Variants in ZC3H3 observed in about 807,000 individuals in gnomAD.
ZC3H3 encodes zinc finger CCCH domain-containing protein 3.
Under a neutral mutation model 77.3 loss-of-function variants are expected in ZC3H3, and 36 were observed. The observed-to-expected ratio is 0.47, with a 90% CI of 0.36 to 0.61. ZC3H3 has a LOEUF of 0.61. Ranked by LOEUF, ZC3H3 falls within the 20% of genes least tolerant of loss-of-function variation. The pLI is 0.00. For synonymous variants in ZC3H3, 626 were observed against 555.2 expected (o/e 1.13, Z -1.79); for missense variants, 1,331 against 1,312.2 (o/e 1.01, Z -0.22).
chr8:143,519,682 G>A (rs1004460834), intron 3 of ZC3H3, among the ~76,000 whole-genome samples: 18 of 152,150 alleles, frequency 1.2e-4, no homozygotes, highest in African/African-American at 3.6e-4. Context: ...ACAGCAGCAC[G>A]GGGCAAGCGG....
intron 2 of ZC3H3, among the ~76,000 whole-genome samples, chr8:143,537,255 T>C (rs1822831071): frequency 6.6e-6 from 1 of 152,194 alleles, no homozygotes; most frequent in Non-Finnish European, 1.5e-5. Context: ...AGTGAGTGAC[T>C]CTGCCTGGCT....
intron 9 of ZC3H3, among the ~76,000 whole-genome samples, chr8:143,454,402 ATTT>A (rs1159428177): frequency 1.6e-5 from 2 of 125,104 alleles, no homozygotes; most frequent in Non-Finnish European, 1.7e-5. Flanking sequence ...ACAATTCATA[ATTT>A]TTTTTTTTTT....
intron 9 of ZC3H3, among the ~76,000 whole-genome samples, chr8:143,443,809 C>T (rs1387042067): frequency 6.6e-6 from 1 of 152,186 alleles, no homozygotes; most frequent in African/African-American, 2.4e-5. Context: ...GCTGTGGTAA[C>T]AAACGTCATG....
chr8:143,537,947 A>C lies in ZC3H3; in HGVS notation c.1364+56T>G, dbSNP rs1000694468. 2.0e-6 allele frequency: 3 copies of C among 1,502,980 alleles called. No individual in the cohort carries two copies. The African/African-American group carries it at 4.2e-5, about 21-fold the overall frequency. The allele number at this position is 1,502,980 out of a possible 1,614,324, so 93.1% of individuals were successfully genotyped here. A position where few individuals can be genotyped will look rare whatever the true frequency, so the allele number is the denominator to read the frequency against. On this transcript the variant is annotated intron_variant, in intron 2 of 11. Transcript: ENST00000262577. ...GCTCAGCAGATCCATTAGGGGTGCC[A>C]AACAAACCCTCCTCACAGCCCCTCA...
chr8:143,507,975 T>C (rs898403614), intron 3 of ZC3H3, 76 bp from the exon 4 acceptor site: 76 of 1,426,712 alleles, frequency 5.3e-5, no homozygotes, highest in Non-Finnish European at 6.9e-5. Flanking sequence ...CCACCCACAG[T>C]GCCAGCTCTG....
chr8:143,502,801 C>T (rs1199431181), intron 4 of ZC3H3, among the ~76,000 whole-genome samples: 2 of 152,232 alleles, frequency 1.3e-5, no homozygotes, highest in Non-Finnish European at 2.9e-5. Context: ...TCAGCAGAGC[C>T]TCAGCCTTCA....
At chr8:143,510,789 T>C (rs1381008040) in intron 3 of ZC3H3, among the ~76,000 whole-genome samples, 2 of 152,034 alleles carry the variant, frequency 1.3e-5, no homozygotes, top group African/African-American at 4.8e-5. Flanking sequence ...AGATAGGATG[T>C]TGGTTTAATT....
At chr8:143,465,596 G>A (rs2129866829) in intron 9 of ZC3H3, 121 bp downstream of exon 9, 2 of 1,445,258 alleles carry the variant, frequency 1.4e-6, no homozygotes, top group Non-Finnish European at 1.9e-6. Context: ...GGACGTGATG[G>A]CACTGACCAC....
chr8:143,499,903 G>A (rs1263055679), intron 4 of ZC3H3, among the ~76,000 whole-genome samples: 4 of 152,210 alleles, frequency 2.6e-5, no homozygotes, highest in African/African-American at 9.6e-5. Flanking sequence ...CAGCCCAGGA[G>A]GCCCGCAGCA....
Position 143,440,213 on chromosome 8 carries a change from GGAT to G in ZC3H3, c.2640_2642del (p.Ser881del), listed in dbSNP as rs748252368. On this transcript the variant is annotated inframe_deletion, in exon 11 of 12. Transcript: ENST00000262577. Reference sequence around the variant, plus strand: ...CCTCGTGGTCCAAGGAAGCGGGAGGGGATGAGGAGGAGGAGGAGGAGGAGGAAG... The same window carrying G: ...CCTCGTGGTCCAAGGAAGCGGGAGGGGAGGAGGAGGAGGAGGAGGAGGAAG... The G allele has an allele frequency of 1.2e-5, 20 of 1,605,274 alleles. No homozygotes were observed. The highest frequency in any genetic ancestry group is 1.7e-5 in the Non-Finnish European group (20 of 1,176,042).
At chr8:143,444,511 T>C (rs1819819650) in intron 9 of ZC3H3, among the ~76,000 whole-genome samples, 1 of 152,212 alleles carries the variant, frequency 6.6e-6, no homozygotes, top group South Asian at 2.1e-4. Flanking sequence ...AAAACACTAA[T>C]ATATCAAGGA....
rs374687102 is a variant in ZC3H3, at chr8:143,529,848, G to A, written c.1561+6409C>T. The stretch of plus-strand genomic sequence containing the variant: ...CCTAAGCACTTCCTCAGAGAAACTC[G>A]GACTCGGGGAATGGGCATCCAGGCC... On this transcript the variant is annotated intron_variant, in intron 3 of 11. Coordinates refer to ENST00000262577, the MANE Select transcript of ZC3H3 (RefSeq NM_015117.3). Among the ~76,000 whole-genome samples, 4 of 152,300 alleles carry A rather than the reference G, an allele frequency of 2.6e-5. No homozygotes were observed. The South Asian group carries it at 6.2e-4, about 24-fold the overall frequency.
intron 4 of ZC3H3, chr8:143,484,661 C>T (rs1022371638): frequency 1.7e-5 from 3 of 180,926 alleles, no homozygotes; most frequent in Non-Finnish European, 3.6e-5. Context: ...CTGTCCTTGG[C>T]GGGCCCGCGA....
At position 143,440,237 on chromosome 8, in the gene ZC3H3, G is replaced by A. The variant is rs17853854; in HGVS notation, c.2619C>T (p.Ser873=). The A allele has an allele frequency of 1.3e-6, 2 of 1,597,504 alleles. No individual in the cohort carries two copies. Among genetic ancestry groups the A allele is most frequent in the South Asian group, 2.3e-5 (2 of 88,770 alleles). The change falls in exon 11 of 12, where the codon TCC becomes TCT. Residue 873 remains serine (S), a synonymous_variant. Coordinates refer to ENST00000262577, the MANE Select transcript of ZC3H3 (RefSeq NM_015117.3). The part of the protein sequence containing the change: ...GSASPSSSKA[S]SSSSSSSSPP... ...GGGATGAGGAGGAGGAGGAGGAGGA[G>A]GAAGCCTTCGAGGATGAGGGAGAGG...
intron 9 of ZC3H3, among the ~76,000 whole-genome samples, chr8:143,445,156 C>T (rs921923050): frequency 6.6e-5 from 10 of 152,068 alleles, no homozygotes; most frequent in East Asian, 5.8e-4. Flanking sequence ...CCAAGGCAGG[C>T]GGATCACCTT....
chr8:143,465,064 G>A (rs1001934685), intron 9 of ZC3H3, among the ~76,000 whole-genome samples: 1 of 152,072 alleles, frequency 6.6e-6, no homozygotes, highest in Admixed American at 6.5e-5. Context: ...GAACTTCCCA[G>A]ACAGGTGAGC....
At position 143,493,197 on chromosome 8, in the gene ZC3H3, G is replaced by C. The variant is rs412283; in HGVS notation, c.1715+14549C>G. On this transcript the variant is annotated intron_variant, in intron 4 of 11. Coordinates refer to ENST00000262577, the MANE Select transcript of ZC3H3 (RefSeq NM_015117.3). This position sits in a 1 kb window ranked among gnomAD's most constrained non-coding sequence, Gnocchi z 4.8. ...CTGGCCCAGGGGCTCCCTCCTCAGG[G>C]TCCCGTGTCCTGGCCCAGGGGCTCC... is the stretch of plus-strand genomic sequence containing the variant. Among the ~76,000 whole-genome samples, 1,013 of 102,624 alleles carry C rather than the reference G, an allele frequency of 9.9e-3. No homozygotes were observed. Among genetic ancestry groups the C allele is most frequent in the Middle Eastern group, 0.046 (6 of 130 alleles). 67.3% of individuals were successfully genotyped at this position (102,624 alleles called of 152,430 possible). A position where few individuals can be genotyped will look rare whatever the true frequency, so the allele number is the denominator to read the frequency against.
intron 3 of ZC3H3, among the ~76,000 whole-genome samples, chr8:143,521,285 C>T (rs1218628877): frequency 2.0e-5 from 3 of 152,300 alleles, no homozygotes; most frequent in Non-Finnish European, 2.9e-5. Flanking sequence ...AGATCCAGGC[C>T]GTGAAGGTGG....
At chr8:143,514,557 T>C (rs930859008) in intron 3 of ZC3H3, among the ~76,000 whole-genome samples, 2 of 152,208 alleles carry the variant, frequency 1.3e-5, no homozygotes, top group African/African-American at 4.8e-5. Context: ...CACACGTGCA[T>C]GGTCATTCCC....
Sources: gnomAD v4.1 joint callset for allele counts (sites outside exome capture counted in the v4.1 genomes callset) on GRCh38, gnomAD v4.1.1 for gene constraint, Gnocchi (gnomAD v3.1) non-coding constraint, MANE v1.5 for transcripts, NCBI Gene and HGNC (gene_info 2026-07-23, HGNC 2026-07-21) for gene names.